The following SMURF1 variants were observed in gnomAD, a reference collection of about 807,000 sequenced individuals.
SMURF1 encodes the protein SMAD specific E3 ubiquitin protein ligase 1.
A neutral mutation model predicts 98.0 loss-of-function variants in SMURF1; 44 were observed. That is an observed-to-expected ratio of 0.45 (90% CI 0.35 to 0.58). The LOEUF is 0.58. Ranked by LOEUF, SMURF1 falls within the 20% of genes least tolerant of loss-of-function variation. The pLI, the probability that SMURF1 is intolerant of heterozygous loss-of-function variation, is 0.00. For synonymous variants in SMURF1, 396 were observed against 374.9 expected (o/e 1.06, Z -0.65); for missense variants, 687 against 938.4 (o/e 0.73, Z 3.50).
chr7:99,107,538 G>A lies in SMURF1; in HGVS notation c.55+36188C>T, dbSNP rs148929005. Reference sequence around the variant, plus strand: ...ATTCCTTAAGATCCAGACTCATGAGGAGCTCCTAGAAATCGCTCGGACCTA... The same window carrying A: ...ATTCCTTAAGATCCAGACTCATGAGAAGCTCCTAGAAATCGCTCGGACCTA... On this transcript the variant is annotated intron_variant, in intron 1 of 17. Transcript: ENST00000361368. 3.0e-3 allele frequency among the ~76,000 whole-genome samples: 459 copies of A among 152,280 alleles called. 2 individuals are homozygous for A. Among genetic ancestry groups the A allele is most frequent in the African/African-American group, 0.011 (440 of 41,546 alleles).
intron 12 of SMURF1, among the ~76,000 whole-genome samples, chr7:99,041,401 C>CAAAA (rs769817730): frequency 6.6e-6 from 1 of 151,662 alleles, no homozygotes; most frequent in African/African-American, 2.4e-5. Flanking sequence ...GACTCTCTCT[C>CAAAA]AAAAAAAAGA....
chr7:99,044,532 A>G (rs1795510182), intron 11 of SMURF1, among the ~76,000 whole-genome samples: 1 of 152,242 alleles, frequency 6.6e-6, no homozygotes. Flanking sequence ...TTGACAACAT[A>G]AAAGTAATAT....
intron 1 of SMURF1, among the ~76,000 whole-genome samples, chr7:99,140,084 G>A (rs1484682894): frequency 6.6e-6 from 1 of 152,108 alleles, no homozygotes; most frequent in Non-Finnish European, 1.5e-5. Context: ...GGATCAAAGA[G>A]TATTATAATG....
intron 1 of SMURF1, among the ~76,000 whole-genome samples, chr7:99,096,483 T>A (rs1160314069): frequency 6.6e-6 from 1 of 152,170 alleles, no homozygotes; most frequent in Non-Finnish European, 1.5e-5. Context: ...GAGGAAAAGA[T>A]ATGCCATGCA....
intron 1 of SMURF1, chr7:99,081,442 T>C (rs557766862): frequency 6.6e-6 from 1 of 152,330 alleles, no homozygotes; most frequent in South Asian, 2.1e-4. Context: ...TAAACATTCA[T>C]GTAACAAGGG....
At chr7:99,072,597 T>A (rs1213978240) in intron 1 of SMURF1, among the ~76,000 whole-genome samples, 1 of 152,132 alleles carries the variant, frequency 6.6e-6, no homozygotes, top group Non-Finnish European at 1.5e-5. Context: ...GAGCCAAGAT[T>A]CTGCCATTGG....
intron 1 of SMURF1, among the ~76,000 whole-genome samples, chr7:99,134,091 C>T (rs1325678066): frequency 8.7e-6 from 1 of 114,666 alleles, no homozygotes; most frequent in Non-Finnish European, 1.7e-5. Flanking sequence ...AGTGCTTCTC[C>T]ACCCACTTTT....
chr7:99,102,236 T>C (rs1159656968), intron 1 of SMURF1, among the ~76,000 whole-genome samples: 2 of 152,206 alleles, frequency 1.3e-5, no homozygotes, highest in East Asian at 3.9e-4. Context: ...TATGATGAAA[T>C]TATTTCAATA....
At chr7:99,126,192 T>A (rs1011187648) in intron 1 of SMURF1, among the ~76,000 whole-genome samples, 1 of 152,218 alleles carries the variant, frequency 6.6e-6, no homozygotes, top group African/African-American at 2.4e-5. Flanking sequence ...ACAGCGAGCA[T>A]GTATGGCGTT....
chr7:99,067,766 G>T (rs186012270), intron 1 of SMURF1, among the ~76,000 whole-genome samples: 91 of 152,204 alleles, frequency 6.0e-4, no homozygotes, highest in African/African-American at 2.2e-3. Flanking sequence ...AGGCTGGCCA[G>T]CATGGTGAAA....
intron 1 of SMURF1, among the ~76,000 whole-genome samples, chr7:99,062,886 G>T (rs1584470319): frequency 6.6e-6 from 1 of 151,966 alleles, no homozygotes; most frequent in African/African-American, 2.4e-5. Context: ...TGTATAGAAA[G>T]AATGCAATTA....
chr7:99,109,617 T>A (rs1361212701), intron 1 of SMURF1, among the ~76,000 whole-genome samples: 1 of 152,138 alleles, frequency 6.6e-6, no homozygotes, highest in African/African-American at 2.4e-5. Flanking sequence ...AGTACCCCAT[T>A]TCCTTTGTAT....
At chr7:99,129,607 G>A (rs1294197905) in intron 1 of SMURF1, among the ~76,000 whole-genome samples, 1 of 152,142 alleles carries the variant, frequency 6.6e-6, no homozygotes, top group Non-Finnish European at 1.5e-5. Flanking sequence ...GCCCCAGCTG[G>A]TCTCAAACTC....
chr7:99,049,815 T>TC, intron 8 of SMURF1, 106 bp from the exon 9 acceptor site: 1 of 1,132,496 alleles, frequency 8.8e-7, no homozygotes, highest in South Asian at 1.5e-5. Context: ...GGTGTCTGTG[T>TC]CCCAGCTCTG....
intron 16 of SMURF1, 123 bp downstream of exon 16, chr7:99,035,392 G>GAACATTCCTT: frequency 8.7e-7 from 1 of 1,154,206 alleles, no homozygotes; most frequent in South Asian, 1.5e-5. Flanking sequence ...AGCTACTGGA[G>GAACATTCCTT]AACATTCCTT....
intron 1 of SMURF1, among the ~76,000 whole-genome samples, chr7:99,115,176 T>C (rs909755601): frequency 9.2e-5 from 14 of 151,612 alleles, no homozygotes; most frequent in African/African-American, 3.4e-4. Context: ...AAAGCAGCAA[T>C]ACAGAGAATT....
chr7:99,142,314 G>T (rs1338578394), intron 1 of SMURF1, among the ~76,000 whole-genome samples: 1 of 152,112 alleles, frequency 6.6e-6, no homozygotes. Flanking sequence ...GCCTCACGGC[G>T]CTCTGGGTTG....
At position 99,040,487 on chromosome 7, in the gene SMURF1, T is replaced by A. The variant is rs140834487; in HGVS notation, c.1441A>T (p.Asn481Tyr). 3.1e-6 allele frequency: 5 copies of A among 1,588,694 alleles called. No homozygotes were observed. The African/African-American group carries it at 6.8e-5, about 22-fold the overall frequency. ...GLAVFHGHYI[N>Y]GGFTVPFYKQ... ...TAGAAGGGCACTGTGAAGCCCCCGT[T>A]GATGTAGTGTCCATGGAACACAGCC... The change falls in exon 13 of 18, where the codon AAC becomes TAC. Residue 481 changes from asparagine (N) to tyrosine (Y), a missense_variant. Around this residue, in one of 2 missense-constraint regions of SMURF1, gnomAD observed 272 missense variants for 430.0 expected, o/e 0.63. Transcript: ENST00000361368.
At chr7:99,127,721 T>TG (rs199570478) in intron 1 of SMURF1, among the ~76,000 whole-genome samples, 7 of 152,250 alleles carry the variant, frequency 4.6e-5, no homozygotes, top group African/African-American at 1.4e-4. Context: ...ATTAACAAGT[T>TG]GGGTTTTTTT....
Sources: allele counts gnomAD v4.1 joint callset (sites outside exome capture counted in the v4.1 genomes callset), GRCh38; gene constraint gnomAD v4.1.1; regional missense constraint gnomAD v4.1.1; transcripts MANE v1.5; gene names NCBI Gene and HGNC (gene_info 2026-07-23, HGNC 2026-07-21).